TRPM5: variants seen among roughly 807,000 people sequenced by gnomAD.
TRPM5 encodes MLSN1 and TRP-related.
TRPM5 carries 121 observed loss-of-function variants against 124.9 expected under a neutral mutation model. That is an observed-to-expected ratio of 0.97 (90% CI 0.84 to 1.13). The LOEUF (loss-of-function observed/expected upper bound fraction) is 1.13, where lower values mean the gene tolerates loss of function less well. Among genes scored for constraint, TRPM5 ranks in the 50% most tolerant of loss-of-function variants. The probability of loss-of-function intolerance (pLI) is 0.00; values close to 1 mark genes in which losing one functional copy is unlikely to be tolerated. For synonymous variants in TRPM5, 781 were observed against 700.5 expected, an observed-to-expected ratio of 1.11 and a Z score of -1.81; for missense variants, 1,643 against 1,589.1, an observed-to-expected ratio of 1.03 and a Z score of -0.58.
chr11:2,415,259 G>T, exon 9 of TRPM5: 1 of 1,569,632 alleles, frequency 6.4e-7, no homozygotes, highest in Admixed American at 1.8e-5. Context: ...CCTGCTGGGT[G>T]CCCAGGCCGG....
At chr11:2,435,497 CTCCATCCGTCCATCTGTCCATTCGTCTG>C in the TRPM5 span, among the ~76,000 whole-genome samples, 1 of 151,852 alleles carries the variant, frequency 6.6e-6, no homozygotes, top group African/African-American at 2.4e-5. The surrounding 1 kb of genome is among the most constrained non-coding windows in gnomAD (Gnocchi z 4.1). Context: ...CAATCCATCC[CTCCATCCGTCCATCTGTCCATTCGTCTG>C]TCCATCCATC....
intron 18 of TRPM5, among the ~76,000 whole-genome samples, chr11:2,410,426 G>C (rs1850422013): frequency 2.5e-5 from 1 of 39,240 alleles, no homozygotes; most frequent in East Asian, 2.1e-3. Context: ...GACACCGCCT[G>C]AGCAGTTTCC....
intron 4 of TRPM5, 99 bp downstream of exon 9, chr11:2,420,123 C>G (rs1349128728): frequency 7.2e-7 from 1 of 1,394,974 alleles, no homozygotes; most frequent in African/African-American, 1.4e-5. Flanking sequence ...GGGAAGCCCT[C>G]CCCCTTCTCC....
At chr11:2,419,078 A>G (rs906527051) in intron 4 of TRPM5, among the ~76,000 whole-genome samples, 15 of 152,142 alleles carry the variant, frequency 9.9e-5, no homozygotes, top group African/African-American at 3.4e-4. Context: ...AGAGGCCTGG[A>G]CCTGCCCCTG....
chr11:2,409,459 G>C (rs1850398465), intron 18 of TRPM5, among the ~76,000 whole-genome samples: 2 of 152,152 alleles, frequency 1.3e-5, no homozygotes, highest in Non-Finnish European at 2.9e-5. Flanking sequence ...ATTGTCCCTG[G>C]GGCCTGGAGA....
At chr11:2,412,901 C>T (rs1275227639) in exon 15 of TRPM5, 11 of 1,597,960 alleles carry the variant, frequency 6.9e-6, no homozygotes, top group South Asian at 3.4e-5. Context: ...CCACGTTCCC[C>T]AGGAACACAG....
rs76658489 is a variant in TRPM5, at chr11:2,415,614, C to T, written c.1129-143G>A. On this transcript the variant is annotated intron_variant, in intron 8 of 23. Coordinates refer to ENST00000155858, the Ensembl canonical transcript of TRPM5. ...ACGCAGACCCTCTCGCTCTCCTGCACCCCAGCCTGCCCCCTGCATTGGGGC... is the reference window on the plus strand; with the variant it reads ...ACGCAGACCCTCTCGCTCTCCTGCATCCCAGCCTGCCCCCTGCATTGGGGC... 11 of 659,232 alleles carry T rather than the reference C, an allele frequency of 1.7e-5. No homozygotes were observed. The East Asian group carries it at 2.7e-4, about 16-fold the overall frequency. The allele number at this position is 659,232 out of a possible 1,614,324, so 40.8% of individuals were successfully genotyped here. A position where few individuals can be genotyped will look rare whatever the true frequency, so the allele number is the denominator to read the frequency against.
intron 20 of TRPM5, 110 bp from the exon 26 acceptor site, chr11:2,406,903 C>T (rs895038715): frequency 5.4e-6 from 8 of 1,477,570 alleles, no homozygotes; most frequent in African/African-American, 1.4e-5. Context: ...TGAGTGGGGC[C>T]CAGCCAGGGA....
Position 2,406,734 on chromosome 11 carries a change from C to A in TRPM5, c.3178G>T (p.Glu1060Ter). The A allele has an allele frequency of 6.2e-7, 1 of 1,613,614 alleles. No homozygotes were observed. Among genetic ancestry groups the A allele is most frequent in the Non-Finnish European group, 8.5e-7 (1 of 1,179,982 alleles). ...TTCTCCATCTTGCTCAGGAAGTTCTCCTTCTGGACTGTCTCCCAGGTGACG... is the reference window on the plus strand; with the variant it reads ...TTCTCCATCTTGCTCAGGAAGTTCTACTTCTGGACTGTCTCCCAGGTGACG... The change falls in exon 21 of 24, where the codon GAG (glutamate) becomes TAG (stop). Residue 1060 changes from glutamate (E) to a stop codon, truncating the protein, a stop_gained. Transcript: ENST00000155858. LOFTEE classifies it high-confidence loss of function.
intron 11 of TRPM5, 146 bp downstream of exon 16, chr11:2,414,569 T>G: frequency 1.7e-6 from 2 of 1,200,748 alleles, no homozygotes; most frequent in Non-Finnish European, 2.3e-6. Context: ...GAGCCGTCTG[T>G]CCTCTCCTAT....
At chr11:2,420,023 T>C (rs1346367984) in intron 4 of TRPM5, among the ~76,000 whole-genome samples, 199 bp downstream of exon 9, 1 of 151,800 alleles carries the variant, frequency 6.6e-6, no homozygotes, top group Non-Finnish European at 1.5e-5. Flanking sequence ...TTCACCACTC[T>C]GCCCAGACAG....
intron 8 of TRPM5, 72 bp downstream of exon 13, chr11:2,415,834 G>C: frequency 1.8e-6 from 2 of 1,136,804 alleles, no homozygotes; most frequent in Non-Finnish European, 2.6e-6. Flanking sequence ...CCCACAGGGT[G>C]CAGGAGCAGG....
chr11:2,434,547 G>A, the TRPM5 span, among the ~76,000 whole-genome samples: 1 of 151,364 alleles, frequency 6.6e-6, no homozygotes. Flanking sequence ...ATGAGTGTGT[G>A]TGAGTGTATG....
At chr11:2,409,013 G>A (rs78134087) in intron 18 of TRPM5, among the ~76,000 whole-genome samples, 2 of 152,000 alleles carry the variant, frequency 1.3e-5, no homozygotes, top group South Asian at 4.1e-4. Flanking sequence ...GGTGGGTTCT[G>A]GGGGGTCTCC....
upstream of TRPM5, among the ~76,000 whole-genome samples, chr11:2,427,708 C>T (rs767069505): frequency 1.2e-4 from 19 of 152,348 alleles, no homozygotes; most frequent in Admixed American, 2.6e-4. Context: ...CCTCCTTTGG[C>T]GATGTCTGGC....
At position 2,422,927 on chromosome 11, in the gene TRPM5, C is replaced by T. The variant is rs780521772; in HGVS notation, c.110G>A (p.Arg37Gln). ...CCTGGGGCCTGCCCTTACCTTGCCT[C>T]GCTTCTTCCCAGACCCTCCAAAGTT... is the stretch of plus-strand genomic sequence containing the variant. Residue 37 changes from arginine to glutamine, a missense_variant, in exon 1 of 24, where the codon CGA (arginine) becomes CAA (glutamine). Coordinates refer to ENST00000155858, the Ensembl canonical transcript of TRPM5. The T allele has an allele frequency of 3.1e-5, 50 of 1,613,082 alleles. No individual in the cohort carries two copies. The East Asian group carries it at 8.0e-4, about 26-fold the overall frequency.
intron 18 of TRPM5, among the ~76,000 whole-genome samples, chr11:2,409,872 G>T (rs1233284601): frequency 2.0e-5 from 3 of 152,198 alleles, no homozygotes; most frequent in Non-Finnish European, 1.5e-5. Flanking sequence ...TCGGAGCAGG[G>T]GCCCCTCGGG....
the TRPM5 span, among the ~76,000 whole-genome samples, chr11:2,429,366 T>C: frequency 7.3e-5 from 11 of 151,172 alleles, no homozygotes; most frequent in Non-Finnish European, 1.5e-5. This position sits in a 1 kb window ranked among gnomAD's most constrained non-coding sequence, Gnocchi z 8.4. Context: ...ATGATGGTGG[T>C]GGTGATGATC....
rs139332433 is a variant in TRPM5, at chr11:2,418,138, G to A, written c.906+29C>T. ...CAGCCCCACCCCCGGAGGAGGGGTCGGGAGGACAGGGGAGGGGGCAGCACA... is the reference window on the plus strand; with the variant it reads ...CAGCCCCACCCCCGGAGGAGGGGTCAGGAGGACAGGGGAGGGGGCAGCACA... On this transcript the variant is annotated intron_variant, in intron 6 of 23. Transcript: ENST00000155858. 23 of 1,515,162 alleles carry A rather than the reference G, an allele frequency of 1.5e-5. 2 individuals are homozygous for A. Among genetic ancestry groups the A allele is most frequent in the South Asian group, 1.5e-4 (12 of 80,880 alleles). The allele number at this position is 1,515,162 out of a possible 1,614,324, so 93.9% of individuals were successfully genotyped here. A position where few individuals can be genotyped will look rare whatever the true frequency, so the allele number is the denominator to read the frequency against.
Sources: allele counts gnomAD v4.1 joint callset (sites outside exome capture counted in the v4.1 genomes callset), GRCh38; gene constraint gnomAD v4.1.1; non-coding constraint Gnocchi (gnomAD v3.1); transcripts MANE v1.5; gene names NCBI Gene and HGNC (gene_info 2026-07-23, HGNC 2026-07-21).